The following A1CF variants were observed in gnomAD, a reference collection of about 807,000 sequenced individuals.
A1CF encodes the protein APOBEC1 complementation factor.
Under a neutral mutation model 68.9 loss-of-function variants are expected in A1CF, and 48 were observed. The ratio of observed to expected loss-of-function variants is 0.70; its 90% CI spans 0.55 to 0.89. The LOEUF (loss-of-function observed/expected upper bound fraction) is 0.89. Among genes scored for constraint, A1CF ranks in the 40% least tolerant of loss-of-function variants. The probability of loss-of-function intolerance (pLI) is 0.00; values close to 1 mark genes in which losing one functional copy is unlikely to be tolerated. For synonymous variants in A1CF, 272 were observed against 260.4 expected, an observed-to-expected ratio of 1.04 and a Z score of -0.43; for missense variants, 653 against 718.9, an observed-to-expected ratio of 0.91 and a Z score of 1.05.
intron 4 of A1CF, among the ~76,000 whole-genome samples, 173 bp from the exon 5 acceptor site, chr10:50,842,165 T>C (rs1839813513): frequency 6.6e-6 from 1 of 152,236 alleles, no homozygotes; most frequent in South Asian, 2.1e-4. Flanking sequence ...CATATTTTCA[T>C]GTGGGTTCAG....
chr10:50,860,765 T>C (rs1039779255), intron 2 of A1CF, among the ~76,000 whole-genome samples: 1 of 152,214 alleles, frequency 6.6e-6, no homozygotes, highest in Non-Finnish European at 1.5e-5. Context: ...TTGAATCACA[T>C]TCCAAATATG....
In A1CF at chr10:50,836,254, C is replaced by T. The variant is rs1361049576; in HGVS notation, c.424G>A (p.Gly142Ser). The change falls in exon 6 of 13, where the codon GGC (glycine) becomes AGC (serine). Residue 142 changes from glycine (G) to serine (S), a missense_variant. Coordinates refer to ENST00000373997, the MANE Select transcript of A1CF (RefSeq NM_014576.4). ...SVDNCRLFVG[G>S]IPKTKKREEI... is the part of the protein sequence containing the mutation. The stretch of plus-strand genomic sequence containing the variant: ...TCTCTCTTTTTGGTTTTTGGGATGC[C>T]CCCAACAAATAATCGGCAGTTGTCC... 2 of 1,613,918 alleles carry T rather than the reference C, an allele frequency of 1.2e-6. No homozygotes were observed. The highest frequency in any genetic ancestry group is 1.1e-5 in the South Asian group (1 of 91,070).
At chr10:50,811,606 A>G (rs1838116138) in intron 10 of A1CF, among the ~76,000 whole-genome samples, 1 of 152,190 alleles carries the variant, frequency 6.6e-6, no homozygotes, top group Non-Finnish European at 1.5e-5. Flanking sequence ...ATTTCGTGAC[A>G]TTTGTCATAG....
At chr10:50,827,931 C>T (rs1386406170) in intron 7 of A1CF, among the ~76,000 whole-genome samples, 200 bp downstream of exon 7, 1 of 151,756 alleles carries the variant, frequency 6.6e-6, no homozygotes, top group African/African-American at 2.4e-5. Flanking sequence ...ATCAAATAAG[C>T]ACAATAAAAA....
intron 1 of A1CF, among the ~76,000 whole-genome samples, chr10:50,880,925 T>TG (rs34907906): frequency 7.9e-5 from 12 of 152,290 alleles, no homozygotes; most frequent in African/African-American, 2.9e-4. Flanking sequence ...AGGTCCCATA[T>TG]GGGGGTGGTT....
At chr10:50,851,337 G>T (rs1235103950) in intron 3 of A1CF, among the ~76,000 whole-genome samples, 1 of 152,152 alleles carries the variant, frequency 6.6e-6, no homozygotes, top group African/African-American at 2.4e-5. Flanking sequence ...ATGTTCATAG[G>T]ATGTTTTGTG....
intron 7 of A1CF, among the ~76,000 whole-genome samples, chr10:50,827,456 A>G (rs1839005051): frequency 6.6e-6 from 1 of 152,198 alleles, no homozygotes; most frequent in Non-Finnish European, 1.5e-5. Context: ...GTGCAATCAA[A>G]CTAGAACTCA....
At chr10:50,853,503 A>G (rs1295495934) in intron 3 of A1CF, among the ~76,000 whole-genome samples, 1 of 151,996 alleles carries the variant, frequency 6.6e-6, no homozygotes, top group East Asian at 1.9e-4. Context: ...TTAATTTTCT[A>G]TCTTTTCTAT....
At position 50,804,722 on chromosome 10, in the gene A1CF, C is replaced by G. The variant is rs1588954241; in HGVS notation, c.*2007G>C. The G allele has an allele frequency of 2.0e-5, 3 of 152,002 alleles. No individual in the cohort carries two copies. In the South Asian group the frequency reaches 6.2e-4, roughly 32 times the overall value. 9.4% of individuals were successfully genotyped at this position (152,002 alleles called of 1,614,324 possible). Reference sequence around the variant, plus strand: ...AATATGATTTGGCTATTTGTCTTAACTTAGATGATTTTTTAATTGCATTTT... The same window carrying G: ...AATATGATTTGGCTATTTGTCTTAAGTTAGATGATTTTTTAATTGCATTTT... On this transcript the variant is annotated 3_prime_UTR_variant, in exon 13 of 13. Transcript: ENST00000373997.
At chr10:50,821,923 A>G (rs904816913) in intron 7 of A1CF, among the ~76,000 whole-genome samples, 1 of 152,208 alleles carries the variant, frequency 6.6e-6, no homozygotes, top group African/African-American at 2.4e-5. Context: ...AAAACCATAT[A>G]TATGTGCACA....
In A1CF at chr10:50,806,682, T is replaced by C. The variant is rs776049378; in HGVS notation, c.*47A>G. ...GTTAGAGGTTTATTTCTTTTTTTTTTTTAATAGAGTTTTGTGTGTCTTATT... is the reference window on the plus strand; with the variant it reads ...GTTAGAGGTTTATTTCTTTTTTTTTCTTAATAGAGTTTTGTGTGTCTTATT... On this transcript the variant is annotated 3_prime_UTR_variant, in exon 13 of 13. Coordinates refer to ENST00000373997, the MANE Select transcript of A1CF (RefSeq NM_014576.4). The C allele has an allele frequency of 7.9e-6, 12 of 1,517,040 alleles. No homozygotes were observed. The highest frequency in any genetic ancestry group is 4.5e-5 in the Admixed American group (2 of 44,392). 94.0% of individuals were successfully genotyped at this position (1,517,040 alleles called of 1,614,324 possible). A position where few individuals can be genotyped will look rare whatever the true frequency, so the allele number is the denominator to read the frequency against.
chr10:50,879,545 C>T (rs1281021807), intron 1 of A1CF, among the ~76,000 whole-genome samples: 5 of 152,098 alleles, frequency 3.3e-5, no homozygotes, highest in Non-Finnish European at 7.3e-5. Context: ...AGGAAACTCA[C>T]AATCATGGTG....
chr10:50,833,616 T>C (rs1468739747), intron 6 of A1CF, among the ~76,000 whole-genome samples: 3 of 152,212 alleles, frequency 2.0e-5, no homozygotes, highest in African/African-American at 7.2e-5. Flanking sequence ...CTTGTTGTCT[T>C]CACTTATCAT....
chr10:50,810,126 A>G, intron 11 of A1CF, 84 bp from the exon 12 acceptor site: 1 of 1,500,068 alleles, frequency 6.7e-7, no homozygotes. Flanking sequence ...TCAGCTTTGT[A>G]AGATGACTGG....
At chr10:50,859,034 A>T (rs1589029701) in intron 3 of A1CF, among the ~76,000 whole-genome samples, 1 of 152,182 alleles carries the variant, frequency 6.6e-6, no homozygotes, top group East Asian at 1.9e-4. Context: ...TTTTATTGCT[A>T]ATCACACATG....
chr10:50,807,030 CAATATGTGGACTCAGTGA>C, intron 12 of A1CF, 150 bp from the exon 13 acceptor site: 8 of 761,688 alleles, frequency 1.1e-5, no homozygotes, highest in South Asian at 2.0e-5. Flanking sequence ...CTTAAGGACA[CAATATGTGGACTCAGTGA>C]TTTTCAATGA....
At position 50,859,879 on chromosome 10, in the gene A1CF, C is replaced by G; in HGVS notation, c.62G>C (p.Arg21Pro). The G allele has an allele frequency of 6.2e-7, 1 of 1,613,974 alleles. No homozygotes were observed. Among genetic ancestry groups the G allele is most frequent in the Non-Finnish European group, 8.5e-7 (1 of 1,179,924 alleles). ...LSGTQKEAAL[R>P]ALVQRTGYSL... is the part of the protein sequence containing the mutation. The stretch of plus-strand genomic sequence containing the variant: ...ATATCCTGTGCGCTGGACCAGTGCG[C>G]GGAGGGCTGCTTCCTTCTGAGTGCC... Residue 21 changes from arginine to proline, a missense_variant, in exon 3 of 13, where the codon CGC becomes CCC. Transcript: ENST00000373997.
Position 50,844,122 on chromosome 10 carries a change from C to A in A1CF, c.100G>T (p.Glu34Ter). 1 of 1,611,316 alleles carries A rather than the reference C, an allele frequency of 6.2e-7. No homozygotes were observed. Among genetic ancestry groups the A allele is most frequent in the Non-Finnish European group, 8.5e-7 (1 of 1,179,210 alleles). ...CCACCATATTTTCTTTGTCCATTTT[C>A]CTGCAAATCCAGGGCAGGTGTGAAG... ...VQRTGYSLVQENGQRKYGGPP... is the reference protein window; with the variant it reads ...VQRTGYSLVQ The change falls in exon 4 of 13, where the codon GAA (glutamate) becomes TAA (stop). Residue 34 changes from glutamate to a stop codon, truncating the protein, a stop_gained and splice_region_variant. Transcript: ENST00000373997. LOFTEE classifies it high-confidence loss of function.
In A1CF at chr10:50,804,485, A is replaced by G. The variant is rs1405631521; in HGVS notation, c.*2244T>C. ...AGAACTTTTGCTCCTAGAATTTGGAATGCTTTTTAGACTCAGTAGAAATTT... is the reference window on the plus strand; with the variant it reads ...AGAACTTTTGCTCCTAGAATTTGGAGTGCTTTTTAGACTCAGTAGAAATTT... On this transcript the variant is annotated 3_prime_UTR_variant, in exon 13 of 13. Transcript: ENST00000373997. 6.6e-6 allele frequency: 1 copy of G among 152,184 alleles called. No individual in the cohort carries two copies. The highest frequency in any genetic ancestry group is 2.4e-5 in the African/African-American group (1 of 41,460). 9.4% of individuals were successfully genotyped at this position (152,184 alleles called of 1,614,324 possible). A position where few individuals can be genotyped will look rare whatever the true frequency, so the allele number is the denominator to read the frequency against.
Sources: gnomAD v4.1 joint callset for allele counts (sites outside exome capture counted in the v4.1 genomes callset) on GRCh38, gnomAD v4.1.1 for gene constraint, MANE v1.5 for transcripts, NCBI Gene and HGNC (gene_info 2026-07-23, HGNC 2026-07-21) for gene names.